The following UBXN7 variants were observed in gnomAD, a reference collection of about 807,000 sequenced individuals.
UBXN7 encodes UBX domain-containing protein 7.
A neutral mutation model predicts 58.0 loss-of-function variants in UBXN7; 9 were observed. The observed-to-expected ratio is 0.16, with a 90% CI of 0.09 to 0.27. The LOEUF (loss-of-function observed/expected upper bound fraction) is 0.27, where lower values mean the gene tolerates loss of function less well. UBXN7 is among the 10% of genes least tolerant of loss of function. The probability of loss-of-function intolerance (pLI) is 1.00; values close to 1 mark genes in which losing one functional copy is unlikely to be tolerated. For missense variants in UBXN7, 328 were observed against 599.6 expected (o/e 0.55, Z 4.73); for synonymous variants, 208 against 205.0 (o/e 1.01, Z -0.12).
At chr3:196,373,093 T>C (rs1289405616) in intron 5 of UBXN7, among the ~76,000 whole-genome samples, 2 of 152,234 alleles carry the variant, frequency 1.3e-5, no homozygotes, top group Non-Finnish European at 2.9e-5. Context: ...GTGTATATTT[T>C]ACTTTGTTTT....
chr3:196,361,957 G>C lies in UBXN7; in HGVS notation c.1229-34C>G, dbSNP rs950035554. The C allele has an allele frequency of 3.6e-6, 5 of 1,371,634 alleles. No individual in the cohort carries two copies. The African/African-American group carries it at 7.1e-5, about 19-fold the overall frequency. 85.0% of individuals were successfully genotyped at this position (1,371,634 alleles called of 1,614,324 possible). On this transcript the variant is annotated intron_variant, in intron 9 of 10. Coordinates refer to ENST00000296328, the MANE Select transcript of UBXN7 (RefSeq NM_015562.2). ...AGGGTTTAAAAAAAAAAAAAAAACG[G>C]GATACAGGAGTTTAAGACAGAATAT... is the stretch of plus-strand genomic sequence containing the variant.
chr3:196,417,126 A>G (rs956886668), intron 1 of UBXN7, among the ~76,000 whole-genome samples: 2 of 152,140 alleles, frequency 1.3e-5, no homozygotes, highest in East Asian at 1.9e-4. Context: ...ATCCTGGCTA[A>G]CACGGTGAAA....
chr3:196,381,824 C>T lies in UBXN7; in HGVS notation c.469-9782G>A, dbSNP rs554528888. Among the ~76,000 whole-genome samples, 24 of 152,248 alleles carry T rather than the reference C, an allele frequency of 1.6e-4. No homozygotes were observed. The East Asian group carries it at 4.0e-3, about 26-fold the overall frequency. On this transcript the variant is annotated intron_variant, in intron 5 of 10. Coordinates refer to ENST00000296328, the MANE Select transcript of UBXN7 (RefSeq NM_015562.2). ...CCTGATGGAGCTGAAAACCACAGCA[C>T]GAGAACTTCGTGACGCTTGCATAAG...
intron 10 of UBXN7, among the ~76,000 whole-genome samples, chr3:196,359,185 C>A (rs1341979864): frequency 1.3e-5 from 2 of 152,096 alleles, no homozygotes; most frequent in African/African-American, 2.4e-5. Flanking sequence ...GCTTGCAGTT[C>A]ATTATTTTAT....
intron 2 of UBXN7, among the ~76,000 whole-genome samples, chr3:196,404,081 C>T (rs1187748121): frequency 2.9e-5 from 4 of 137,712 alleles, no homozygotes; most frequent in Non-Finnish European, 3.1e-5. Context: ...GACTCCATCT[C>T]TAAAAAAAAA....
chr3:196,431,966 TGAA>T (rs1185455244), intron 1 of UBXN7: 16 of 441,214 alleles, frequency 3.6e-5, no homozygotes, highest in Non-Finnish European at 5.1e-5. Flanking sequence ...GGGAAGATGA[TGAA>T]GGAGGAGGAG....
chr3:196,400,055 C>T (rs1314863754), intron 3 of UBXN7: 2 of 152,204 alleles, frequency 1.3e-5, no homozygotes, highest in East Asian at 1.9e-4. Flanking sequence ...AATTACCTCC[C>T]GGAAGTAGGG....
intron 1 of UBXN7, 70 bp downstream of exon 1, chr3:196,432,257 G>C (rs757610036): frequency 6.3e-6 from 10 of 1,590,492 alleles, no homozygotes; most frequent in Non-Finnish European, 6.0e-6. Context: ...GAAGGTAAGG[G>C]GAAGCCCGGG....
intron 1 of UBXN7, among the ~76,000 whole-genome samples, chr3:196,424,312 T>C (rs1019209644): frequency 6.6e-6 from 1 of 151,992 alleles, no homozygotes; most frequent in Non-Finnish European, 1.5e-5. Flanking sequence ...TCCTTCAGCA[T>C]TGTGTCCTGG....
intron 3 of UBXN7, among the ~76,000 whole-genome samples, chr3:196,399,216 A>C (rs1016092464): frequency 1.3e-5 from 2 of 152,234 alleles, no homozygotes; most frequent in Non-Finnish European, 2.9e-5. Context: ...ATATTTTAAA[A>C]CTGTGTACTC....
chr3:196,430,676 A>G (rs1395715824), intron 1 of UBXN7, among the ~76,000 whole-genome samples: 2 of 152,060 alleles, frequency 1.3e-5, no homozygotes, highest in African/African-American at 4.8e-5. Flanking sequence ...GGCGTGAGAC[A>G]CCGCGCCAGG....
chr3:196,424,676 A>C (rs894839425), intron 1 of UBXN7, among the ~76,000 whole-genome samples: 10 of 146,352 alleles, frequency 6.8e-5, no homozygotes, highest in African/African-American at 2.5e-4. Context: ...GTGAGCCACT[A>C]GGCCTCGCCT....
At chr3:196,429,326 CAAA>C (rs528881094) in intron 1 of UBXN7, among the ~76,000 whole-genome samples, 1 of 98,582 alleles carries the variant, frequency 1.0e-5, no homozygotes, top group Non-Finnish European at 2.2e-5. Context: ...GACTCCGTCT[CAAA>C]AAAAAAAAAA....
chr3:196,420,965 G>A (rs1189470384), intron 1 of UBXN7, among the ~76,000 whole-genome samples: 2 of 152,124 alleles, frequency 1.3e-5, no homozygotes, highest in Non-Finnish European at 2.9e-5. Context: ...AGGGACAAGA[G>A]GTTACTTTTC....
intron 1 of UBXN7, among the ~76,000 whole-genome samples, chr3:196,430,349 G>A (rs1440018844): frequency 6.6e-6 from 1 of 150,624 alleles, no homozygotes; most frequent in African/African-American, 2.4e-5. Flanking sequence ...GCAACACAGC[G>A]AGACTGTCTC....
At chr3:196,386,083 C>T (rs910369717) in intron 5 of UBXN7, among the ~76,000 whole-genome samples, 65 of 152,088 alleles carry the variant, frequency 4.3e-4, no homozygotes, top group Non-Finnish European at 7.6e-4. Flanking sequence ...TTACCCCCAA[C>T]CCCATGCTCT....
chr3:196,422,792 C>T (rs913069883), intron 1 of UBXN7, among the ~76,000 whole-genome samples: 1 of 152,118 alleles, frequency 6.6e-6, no homozygotes, highest in African/African-American at 2.4e-5. Context: ...AAAAGATATT[C>T]ACACACTTGT....
chr3:196,368,904 C>T (rs1006644383), intron 7 of UBXN7, among the ~76,000 whole-genome samples: 5 of 152,086 alleles, frequency 3.3e-5, no homozygotes, highest in African/African-American at 1.2e-4. Context: ...CTCACTGCAA[C>T]CTCCACCTCC....
At chr3:196,413,998 A>C (rs1560240840) in intron 1 of UBXN7, among the ~76,000 whole-genome samples, 1 of 152,118 alleles carries the variant, frequency 6.6e-6, no homozygotes, top group Non-Finnish European at 1.5e-5. Flanking sequence ...AGATGGAACA[A>C]TGTTTTCTTT....
Sources: allele counts gnomAD v4.1 joint callset (sites outside exome capture counted in the v4.1 genomes callset), GRCh38; gene constraint gnomAD v4.1.1; transcripts MANE v1.5; gene names NCBI Gene and HGNC (gene_info 2026-07-23, HGNC 2026-07-21).